SLC9C1: variants seen among roughly 807,000 people sequenced by gnomAD.
The protein encoded by SLC9C1 is solute carrier family 9 member C1.
SLC9C1 carries 97 observed loss-of-function variants against 140.9 expected under a neutral mutation model. That is an observed-to-expected ratio of 0.69 (90% CI 0.58 to 0.82). The LOEUF (loss-of-function observed/expected upper bound fraction) is 0.82. Ranked by LOEUF, SLC9C1 falls within the 40% of genes least tolerant of loss-of-function variation. The pLI is 0.00. For missense variants in SLC9C1, 1,340 were observed against 1,389.3 expected (o/e 0.96, Z 0.56); for synonymous variants, 440 against 442.6 (o/e 0.99, Z 0.07).
At chr3:112,284,290 T>C (rs2080441676) in intron 2 of SLC9C1, among the ~76,000 whole-genome samples, 1 of 152,238 alleles carries the variant, frequency 6.6e-6, no homozygotes. Context: ...AGCATTTACT[T>C]GTTTGGATTG....
In SLC9C1 at chr3:112,286,857, G is replaced by GT. The variant is rs1254031583; in HGVS notation, c.-67dup. 9.5e-7 allele frequency: 1 copy of GT among 1,057,278 alleles called. No individual in the cohort carries two copies. Among genetic ancestry groups the GT allele is most frequent in the African/African-American group, 1.6e-5 (1 of 61,700 alleles). 65.5% of individuals were successfully genotyped at this position (1,057,278 alleles called of 1,614,324 possible). On this transcript the variant is annotated 5_prime_UTR_variant, in exon 2 of 29. The change abolishes the stop of an existing upstream ORF in the 5' untranslated region. Coordinates refer to ENST00000305815, the MANE Select transcript of SLC9C1 (RefSeq NM_183061.3). ...TCTCCATATGATCATCCATCTTGTT[G>GT]TTTTTCACAGTCCATCTGAATCTAA...
At chr3:112,188,872 T>A (rs1456094391) in intron 20 of SLC9C1, among the ~76,000 whole-genome samples, 2 of 152,220 alleles carry the variant, frequency 1.3e-5, no homozygotes, top group East Asian at 3.8e-4. Flanking sequence ...TGTTGCTATT[T>A]CTCCACATCC....
intron 19 of SLC9C1, among the ~76,000 whole-genome samples, chr3:112,199,833 C>T (rs2077862634): frequency 6.6e-6 from 1 of 152,012 alleles, no homozygotes; most frequent in Non-Finnish European, 1.5e-5. Flanking sequence ...GAATTTTTAA[C>T]TACAGATGAT....
chr3:112,252,064 A>C (rs1452265512), intron 10 of SLC9C1, among the ~76,000 whole-genome samples: 1 of 152,066 alleles, frequency 6.6e-6, no homozygotes, highest in East Asian at 1.9e-4. Flanking sequence ...TGGGCTCTCC[A>C]GTCACCCTAG....
At chr3:112,290,751 T>C (rs976193056) in intron 1 of SLC9C1, among the ~76,000 whole-genome samples, 1 of 152,106 alleles carries the variant, frequency 6.6e-6, no homozygotes, top group Non-Finnish European at 1.5e-5. Context: ...TGAGTGGATA[T>C]ATATTTAGTT....
intron 13 of SLC9C1, among the ~76,000 whole-genome samples, chr3:112,230,377 G>A (rs895506214): frequency 6.6e-6 from 1 of 152,150 alleles, no homozygotes; most frequent in Non-Finnish European, 1.5e-5. Flanking sequence ...ACATGGAAGA[G>A]CTAGCAGGAA....
At chr3:112,145,343 G>A (rs776440422) in intron 28 of SLC9C1, among the ~76,000 whole-genome samples, 3 of 151,294 alleles carry the variant, frequency 2.0e-5, no homozygotes, top group Non-Finnish European at 4.4e-5. Context: ...CTGATGTGCT[G>A]CTGGATTTAA....
At chr3:112,251,947 T>C (rs903305541) in intron 10 of SLC9C1, among the ~76,000 whole-genome samples, 3 of 152,204 alleles carry the variant, frequency 2.0e-5, no homozygotes, top group African/African-American at 7.2e-5. Context: ...CTTGCTCAAA[T>C]TGCTGCCACT....
At chr3:112,205,392 G>A (rs1033529998) in intron 16 of SLC9C1, among the ~76,000 whole-genome samples, 73 of 149,982 alleles carry the variant, frequency 4.9e-4, no homozygotes, top group East Asian at 2.0e-4. Flanking sequence ...ACTGCTCAAC[G>A]AAATAAAAGA....
rs559962861 is a variant in SLC9C1 at position 112,222,218 on chromosome 3, C to T, written c.1573-993G>A. ...GAAGCTGAAGATTATATGGATCTCG[C>T]GAAAGCTTAGCAACACAAATACCAA... On this transcript the variant is annotated intron_variant, in intron 13 of 28. Coordinates refer to ENST00000305815, the MANE Select transcript of SLC9C1 (RefSeq NM_183061.3). 9.2e-5 allele frequency among the ~76,000 whole-genome samples: 14 copies of T among 152,134 alleles called. 1 individual carries two copies. The South Asian group carries it at 1.5e-3, about 16-fold the overall frequency.
intron 26 of SLC9C1, among the ~76,000 whole-genome samples, chr3:112,164,863 G>A (rs2077086486): frequency 6.6e-6 from 1 of 152,198 alleles, no homozygotes; most frequent in Admixed American, 6.5e-5. Flanking sequence ...ATCCTGCAGA[G>A]TGTTTTCCAG....
intron 26 of SLC9C1, among the ~76,000 whole-genome samples, chr3:112,158,370 C>T (rs2075186199): frequency 6.6e-6 from 1 of 151,886 alleles, no homozygotes; most frequent in Non-Finnish European, 1.5e-5. Context: ...AGATGAATCC[C>T]ACTTGAACAT....
At chr3:112,279,482 C>T (rs1319400118) in intron 3 of SLC9C1, among the ~76,000 whole-genome samples, 6 of 152,100 alleles carry the variant, frequency 3.9e-5, no homozygotes, top group Non-Finnish European at 5.9e-5. Context: ...GAATATGCAG[C>T]AGATTTTCAG....
chr3:112,170,723 T>C (rs2077230084), intron 23 of SLC9C1, among the ~76,000 whole-genome samples: 2 of 152,246 alleles, frequency 1.3e-5, no homozygotes. Flanking sequence ...ATAAAACTTC[T>C]ATGAATAGTC....
chr3:112,187,078 G>C (rs1368362381), intron 20 of SLC9C1, among the ~76,000 whole-genome samples: 1 of 152,072 alleles, frequency 6.6e-6, no homozygotes, highest in Non-Finnish European at 1.5e-5. Flanking sequence ...GCTTTTTATA[G>C]TGTTATGTTT....
Position 112,293,296 on chromosome 3 carries a change from ATC to A in SLC9C1, c.-88+795_-88+796del, listed in dbSNP as rs1362478037. On this transcript the variant is annotated intron_variant, in intron 1 of 28. Coordinates refer to ENST00000305815, the MANE Select transcript of SLC9C1 (RefSeq NM_183061.3). Reference sequence around the variant, plus strand: ...ATTTCAAATATATATATATATATATATCTCTCATGTTAGCTAATATCTCAATT... The same window carrying A: ...ATTTCAAATATATATATATATATATATCTCATGTTAGCTAATATCTCAATT... Among the ~76,000 whole-genome samples the A allele has an allele frequency of 9.1e-3, 1,342 of 147,608 alleles. 17 individuals carry two copies. Among genetic ancestry groups the A allele is most frequent in the African/African-American group, 0.029 (1,153 of 40,194 alleles).
rs75086256 is a variant in SLC9C1, at chr3:112,170,680, T to C, written c.2920-1352A>G. Among the ~76,000 whole-genome samples, 99 of 152,362 alleles carry C rather than the reference T, an allele frequency of 6.5e-4. No homozygotes were observed. The Middle Eastern group carries it at 0.01, about 16-fold the overall frequency. ...TTTTTAGGCAAAAATAAAATGCTTA[T>C]GCTAAAAGTGAACAGATCATTGGTT... On this transcript the variant is annotated intron_variant, in intron 23 of 28. Coordinates refer to ENST00000305815, the MANE Select transcript of SLC9C1 (RefSeq NM_183061.3).
At chr3:112,149,428 C>G (rs1326850837) in intron 28 of SLC9C1, among the ~76,000 whole-genome samples, 4 of 151,808 alleles carry the variant, frequency 2.6e-5, no homozygotes, top group Non-Finnish European at 2.9e-5. Flanking sequence ...GTGAGTAATC[C>G]AAATGCCTGG....
At chr3:112,192,688 C>T (rs184540740) in intron 20 of SLC9C1, among the ~76,000 whole-genome samples, 1 of 152,128 alleles carries the variant, frequency 6.6e-6, no homozygotes, top group Admixed American at 6.5e-5. Context: ...TCATTGAATT[C>T]CTCAGCTCTA....
Sources: gnomAD v4.1 joint callset for allele counts (sites outside exome capture counted in the v4.1 genomes callset) on GRCh38, gnomAD v4.1.1 for gene constraint, MANE v1.5 for transcripts, NCBI Gene and HGNC (gene_info 2026-07-23, HGNC 2026-07-21) for gene names.